Variants in SLC24A2 observed in about 807,000 individuals in gnomAD.
SLC24A2 encodes sodium/potassium/calcium exchanger 2.
SLC24A2 carries 36 observed loss-of-function variants against 62.0 expected under a neutral mutation model. The observed-to-expected ratio is 0.58, with a 90% CI of 0.44 to 0.77. The LOEUF is 0.77. Among genes scored for constraint, SLC24A2 ranks in the 30% least tolerant of loss-of-function variants. The pLI is 0.00. For missense variants in SLC24A2, 846 were observed against 817.9 expected (o/e 1.03, Z -0.42); for synonymous variants, 358 against 294.0 (o/e 1.22, Z -2.23).
intron 4 of SLC24A2, among the ~76,000 whole-genome samples, chr9:19,611,852 T>G (rs1352806969): frequency 2.6e-5 from 4 of 152,120 alleles, no homozygotes; most frequent in Non-Finnish European, 5.9e-5. Flanking sequence ...AGTTACATAA[T>G]GTGGTCCTGG....
the SLC24A2 span, among the ~76,000 whole-genome samples, chr9:19,955,786 G>C: frequency 1.1e-4 from 17 of 152,066 alleles, no homozygotes; most frequent in African/African-American, 3.6e-4. Context: ...AATCAATCAG[G>C]ATAACACTAG....
chr9:20,124,485 C>G, the SLC24A2 span, among the ~76,000 whole-genome samples: 1 of 152,292 alleles, frequency 6.6e-6, no homozygotes, highest in African/African-American at 2.4e-5. Context: ...CAAGTTTCCA[C>G]CGTCAAAGCC....
chr9:19,577,101 C>T, intron 5 of SLC24A2, 79 bp from the exon 6 acceptor site: 1 of 1,054,888 alleles, frequency 9.5e-7, no homozygotes, highest in Non-Finnish European at 1.5e-6. Flanking sequence ...ATGTGGCCTC[C>T]TCAGTCACGC....
At chr9:20,268,338 A>C in the SLC24A2 span, among the ~76,000 whole-genome samples, 2 of 152,148 alleles carry the variant, frequency 1.3e-5, no homozygotes, top group Non-Finnish European at 2.9e-5. Context: ...GTCATGTTGA[A>C]ACCTAACTCC....
chr9:19,636,315 TTTTC>T (rs72137164), intron 2 of SLC24A2, among the ~76,000 whole-genome samples: 5 of 40,312 alleles, frequency 1.2e-4, no homozygotes, highest in African/African-American at 2.3e-4. Context: ...TTTTCTTTTC[TTTTC>T]TTTCTTTCTT....
chr9:20,162,496 C>G, the SLC24A2 span, among the ~76,000 whole-genome samples: 2 of 152,018 alleles, frequency 1.3e-5, no homozygotes, highest in East Asian at 1.9e-4. Flanking sequence ...CAGTAGCTTA[C>G]CAACCAAAAA....
intron 10 of SLC24A2, among the ~76,000 whole-genome samples, chr9:19,518,764 G>T (rs570709252): frequency 8.6e-4 from 131 of 152,102 alleles, no homozygotes; most frequent in Non-Finnish European, 1.7e-3. Flanking sequence ...GTTAATTTTA[G>T]AAGCATAAAG....
At chr9:19,719,438 G>A (rs927516302) in intron 2 of SLC24A2, among the ~76,000 whole-genome samples, 2 of 152,148 alleles carry the variant, frequency 1.3e-5, no homozygotes, top group African/African-American at 4.8e-5. Flanking sequence ...CACTCTCAGA[G>A]AGGAGTTCTG....
At chr9:20,134,274 T>C in the SLC24A2 span, among the ~76,000 whole-genome samples, 1 of 152,216 alleles carries the variant, frequency 6.6e-6, no homozygotes, top group South Asian at 2.1e-4. Context: ...TAGATATATA[T>C]CGAAGAAGAA....
chr9:19,811,453 TTGATA>T, the SLC24A2 span, among the ~76,000 whole-genome samples: 1 of 152,238 alleles, frequency 6.6e-6, no homozygotes, highest in Non-Finnish European at 1.5e-5. Context: ...TATATTTGAT[TTGATA>T]TATCAACTTG....
At chr9:20,301,349 G>T in the SLC24A2 span, among the ~76,000 whole-genome samples, 11 of 151,894 alleles carry the variant, frequency 7.2e-5, no homozygotes, top group African/African-American at 2.7e-4. Flanking sequence ...AATGGTATAG[G>T]TTCAATCTTG....
the SLC24A2 span, among the ~76,000 whole-genome samples, chr9:19,857,823 A>G: frequency 6.6e-6 from 1 of 151,694 alleles, no homozygotes; most frequent in Non-Finnish European, 1.5e-5. Context: ...TCATCTGTGG[A>G]TAAAGAGTAC....
chr9:19,695,963 C>T (rs1011779365), intron 2 of SLC24A2, among the ~76,000 whole-genome samples: 35 of 152,160 alleles, frequency 2.3e-4, no homozygotes, highest in South Asian at 4.1e-4. Flanking sequence ...GGCAGGGGTC[C>T]CCAGTCCCTG....
At chr9:19,910,778 G>A in the SLC24A2 span, among the ~76,000 whole-genome samples, 1 of 152,038 alleles carries the variant, frequency 6.6e-6, no homozygotes, top group Admixed American at 6.6e-5. Context: ...CCTTCCCAGA[G>A]AATCCTTCCT....
chr9:19,816,404 C>G, the SLC24A2 span, among the ~76,000 whole-genome samples: 1 of 152,100 alleles, frequency 6.6e-6, no homozygotes, highest in Non-Finnish European at 1.5e-5. Context: ...CATGGCTCTA[C>G]CCAAGGTGCA....
chr9:20,231,428 T>C, the SLC24A2 span, among the ~76,000 whole-genome samples: 1 of 152,168 alleles, frequency 6.6e-6, no homozygotes, highest in Admixed American at 6.5e-5. Flanking sequence ...GGTTTGTAGT[T>C]CTCCTTGAAG....
intron 2 of SLC24A2, among the ~76,000 whole-genome samples, chr9:19,751,187 T>C (rs1821972084): frequency 6.6e-6 from 1 of 152,164 alleles, no homozygotes; most frequent in Non-Finnish European, 1.5e-5. Flanking sequence ...GTAAAAGTTA[T>C]TGTAGCCAAC....
chr9:19,970,221 A>T, the SLC24A2 span, among the ~76,000 whole-genome samples: 1 of 152,198 alleles, frequency 6.6e-6, no homozygotes, highest in Non-Finnish European at 1.5e-5. Context: ...TGAAAGTGGA[A>T]GGGAACCCTT....
the SLC24A2 span, among the ~76,000 whole-genome samples, chr9:20,231,967 G>A: frequency 6.6e-6 from 1 of 152,072 alleles, no homozygotes; most frequent in Non-Finnish European, 1.5e-5. Flanking sequence ...TTTGTCCAGG[G>A]CCTTTTCTGC....
Sources: allele counts gnomAD v4.1 joint callset (sites outside exome capture counted in the v4.1 genomes callset), GRCh38; gene constraint gnomAD v4.1.1; transcripts MANE v1.5; gene names NCBI Gene and HGNC (gene_info 2026-07-23, HGNC 2026-07-21).